FRMPD4: variants seen among roughly 807,000 people sequenced by gnomAD.
FRMPD4 encodes the protein FERM and PDZ domain containing 4, also known as FERM and PDZ domain-containing protein 4.
A neutral mutation model predicts 94.1 loss-of-function variants in FRMPD4; 22 were observed. The ratio of observed to expected loss-of-function variants is 0.23; its 90% CI spans 0.17 to 0.33. FRMPD4 has a LOEUF of 0.33. FRMPD4 is among the 10% of genes least tolerant of loss of function. The pLI is 1.00. For synonymous variants in FRMPD4, 631 were observed against 548.6 expected (o/e 1.15, Z -2.10); for missense variants, 1,111 against 1,339.9 (o/e 0.83, Z 2.67).
chrX:12,586,546 C>T (rs988390957), intron 2 of FRMPD4, among the ~76,000 whole-genome samples: 2 of 112,493 alleles, frequency 1.8e-5, no homozygotes, highest in African/African-American at 6.5e-5. Context: ...AATTAATAAG[C>T]GGACCATGCA....
intron 1 of FRMPD4, among the ~76,000 whole-genome samples, chrX:12,207,688 T>C (rs1338671204): frequency 1.9e-5 from 2 of 107,858 alleles, no homozygotes; most frequent in Non-Finnish European, 3.8e-5. Context: ...GGTGGCATTC[T>C]TATTAAGTGA....
At chrX:12,554,828 G>C (rs989671037) in intron 2 of FRMPD4, among the ~76,000 whole-genome samples, 1 of 111,200 alleles carries the variant, frequency 9.0e-6, no homozygotes, top group Admixed American at 9.6e-5. Flanking sequence ...TGCCCAGGCT[G>C]GTCTCCAACT....
intron 3 of FRMPD4, among the ~76,000 whole-genome samples, chrX:11,944,465 G>A (rs1288313103): frequency 8.9e-6 from 1 of 111,795 alleles, no homozygotes; most frequent in Admixed American, 9.5e-5. Context: ...CCTTTATCTA[G>A]AAATCTATTT....
intron 1 of FRMPD4, among the ~76,000 whole-genome samples, chrX:12,279,191 C>A (rs1015687422): frequency 8.9e-6 from 1 of 112,806 alleles, no homozygotes; most frequent in East Asian, 2.8e-4. Context: ...ACCCTTGTAA[C>A]GGTGATGATG....
At position 12,718,348 on chromosome X, in the gene FRMPD4, C is replaced by G; in HGVS notation, c.3522C>G (p.Cys1174Trp). ...DNPEDADSST[C>W]DHPSKLPEAD... ...CAGAGGACGCTGACTCGTCCACCTG[C>G]GACCATCCTTCCAAGCTTCCTGAGG... The change falls in exon 16 of 17, where the codon TGC becomes TGG. Residue 1174 changes from cysteine (C) to tryptophan (W), a missense_variant. Cys to Trp is a radical substitution (Grantham distance 215, BLOSUM62 -2). Coordinates refer to ENST00000675598, the MANE Select transcript of FRMPD4 (RefSeq NM_001368397.1). The G allele has an allele frequency of 8.3e-7, 1 of 1,211,662 alleles. No individual in the cohort carries two copies. The highest frequency in any genetic ancestry group is 1.1e-6 in the Non-Finnish European group (1 of 895,172).
chrX:12,515,191 C>T (rs749051335), intron 2 of FRMPD4, among the ~76,000 whole-genome samples: 21 of 111,408 alleles, frequency 1.9e-4, no homozygotes, highest in Non-Finnish European at 3.4e-4. Flanking sequence ...GTTTTCATGT[C>T]TCTATCTCCT....
intron 1 of FRMPD4, among the ~76,000 whole-genome samples, chrX:12,332,086 T>A (rs1314684902): frequency 3.2e-5 from 2 of 62,254 alleles, no homozygotes; most frequent in Non-Finnish European, 5.7e-5. Context: ...TATATATAAT[T>A]TATATTATAT....
chrX:12,195,853 A>G (rs965771129), intron 1 of FRMPD4, among the ~76,000 whole-genome samples: 6 of 111,539 alleles, frequency 5.4e-5, no homozygotes, highest in African/African-American at 2.0e-4. Context: ...GTAAATGTAT[A>G]TCTGCTTCTG....
chrX:12,238,003 T>C (rs371672106), intron 1 of FRMPD4, among the ~76,000 whole-genome samples: 1 of 112,515 alleles, frequency 8.9e-6, no homozygotes, highest in Non-Finnish European at 1.9e-5. Flanking sequence ...CAGGCACTCA[T>C]GTATGCATTG....
In FRMPD4 at chrX:12,685,776, A is replaced by C. The variant is rs188643046; in HGVS notation, c.574-321A>C. 4.5e-5 allele frequency among the ~76,000 whole-genome samples: 5 copies of C among 112,159 alleles called. No homozygotes were observed. The Admixed American group carries it at 4.7e-4, about 11-fold the overall frequency. ...ATCATTGCTGGTCTTTTTTCTGCTC[A>C]AGACGTCCTGCCCTGCTTAGGTCTG... is the stretch of plus-strand genomic sequence containing the variant. On this transcript the variant is annotated intron_variant, in intron 6 of 16. Coordinates refer to ENST00000675598, the MANE Select transcript of FRMPD4 (RefSeq NM_001368397.1).
intron 1 of FRMPD4, among the ~76,000 whole-genome samples, chrX:12,374,148 T>G (rs1473663140): frequency 8.9e-6 from 1 of 112,134 alleles, no homozygotes; most frequent in East Asian, 2.8e-4. Context: ...TTGCTGTGCC[T>G]AAGTAGATTC....
At chrX:11,856,155 A>T (rs2053652505) in intron 1 of FRMPD4, among the ~76,000 whole-genome samples, 1 of 111,557 alleles carries the variant, frequency 9.0e-6, no homozygotes, top group Non-Finnish European at 1.9e-5. Context: ...TAATTATCAT[A>T]AGAACAGAAT....
At position 12,723,920 on chromosome X, in the gene FRMPD4, T is replaced by C. The variant is rs1473573373; in HGVS notation, c.*2062T>C. On this transcript the variant is annotated 3_prime_UTR_variant, in exon 17 of 17. Transcript: ENST00000675598. ...AAATCAATTATAAGATCGATTTCCA[T>C]AGGGTTGTCATGAGTTTTGAGTAAA... is the stretch of plus-strand genomic sequence containing the variant. 8.9e-6 allele frequency: 1 copy of C among 111,845 alleles called. No homozygotes were observed. The highest frequency in any genetic ancestry group is 1.9e-5 in the Non-Finnish European group (1 of 53,190). 9.2% of individuals were successfully genotyped at this position (111,845 alleles called of 1,213,427 possible). A position where few individuals can be genotyped will look rare whatever the true frequency, so the allele number is the denominator to read the frequency against.
intron 4 of FRMPD4, among the ~76,000 whole-genome samples, chrX:12,641,027 T>A (rs1346170898): frequency 1.8e-5 from 2 of 111,207 alleles, no homozygotes; most frequent in African/African-American, 3.3e-5. Flanking sequence ...TAATTTTTTT[T>A]AAAGAGGTGG....
At chrX:12,595,561 A>G (rs1449756460) in intron 2 of FRMPD4, among the ~76,000 whole-genome samples, 2 of 112,331 alleles carry the variant, frequency 1.8e-5, no homozygotes, top group Non-Finnish European at 3.8e-5. Context: ...AAATTTTACT[A>G]TGCTATTAAG....
chrX:12,298,727 A>G (rs1345449938), intron 1 of FRMPD4, among the ~76,000 whole-genome samples: 1 of 112,380 alleles, frequency 8.9e-6, no homozygotes, highest in African/African-American at 3.2e-5. Flanking sequence ...AAGTTATCTG[A>G]TTTGAATATA....
intron 1 of FRMPD4, among the ~76,000 whole-genome samples, chrX:12,487,203 T>G (rs2057748376): frequency 8.9e-6 from 1 of 111,750 alleles, no homozygotes; most frequent in African/African-American, 3.3e-5. Flanking sequence ...ATGGTCATAT[T>G]TTCAGCTCAT....
chrX:12,350,477 G>A (rs1436854008), intron 1 of FRMPD4, among the ~76,000 whole-genome samples: 1 of 112,106 alleles, frequency 8.9e-6, no homozygotes, highest in Non-Finnish European at 1.9e-5. Context: ...TCTAACATCT[G>A]CTTCAGTCAT....
Position 12,350,902 on chromosome X carries a change from A to G in FRMPD4, c.42-147778A>G, listed in dbSNP as rs146043092. ...TATAATGTGTGATTATTGGCCGGGC[A>G]CAGTGGCTCACGCCTGTAATCCCAA... On this transcript the variant is annotated intron_variant, in intron 1 of 16. Coordinates refer to ENST00000675598, the MANE Select transcript of FRMPD4 (RefSeq NM_001368397.1). Among the ~76,000 whole-genome samples the G allele has an allele frequency of 6.9e-3, 783 of 112,666 alleles. 3 individuals are homozygous for G. Among genetic ancestry groups the G allele is most frequent in the Non-Finnish European group, 0.011 (570 of 53,252 alleles).
Sources: allele counts gnomAD v4.1 joint callset (sites outside exome capture counted in the v4.1 genomes callset), GRCh38; gene constraint gnomAD v4.1.1; transcripts MANE v1.5; gene names NCBI Gene and HGNC (gene_info 2026-07-23, HGNC 2026-07-21).